Variants in PYCR1 observed in about 807,000 individuals in gnomAD.
PYCR1 encodes pyrroline-5-carboxylate reductase 1.
In PYCR1, 19 loss-of-function variants were observed where a neutral mutation model predicts 22.9. The ratio of observed to expected loss-of-function variants is 0.83; its 90% CI spans 0.58 to 1.22. PYCR1 has a LOEUF of 1.22. PYCR1 is among the 50% of genes most tolerant of loss of function. The pLI, the probability that PYCR1 is intolerant of heterozygous loss-of-function variation, is 0.00. For synonymous variants in PYCR1, 175 were observed against 180.5 expected (o/e 0.97, Z 0.24); for missense variants, 429 against 431.3 (o/e 0.99, Z 0.05).
Position 81,936,751 on chromosome 17 carries a change from C to G in PYCR1, c.64G>C (p.Ala22Pro). The G allele has an allele frequency of 6.2e-7, 1 of 1,607,916 alleles. No homozygotes were observed. Among genetic ancestry groups the G allele is most frequent in the Non-Finnish European group, 8.5e-7 (1 of 1,178,084 alleles). ...AFALAKGFTA[A>P]GVLAAHKIMA... ...CGTCCCCCACCTGGGGGCCTACCTG[C>G]TGCTGTGAAGCCCTTGGCCAGGGCA... Residue 22 changes from alanine to proline, a missense_variant, in exon 1 of 7, where the codon GCA becomes CCA. Ala to Pro is a conservative substitution (Grantham distance 27, BLOSUM62 -1). Coordinates refer to ENST00000329875, the MANE Select transcript of PYCR1 (RefSeq NM_006907.4).
intron 6 of PYCR1, 114 bp from the exon 7 acceptor site, chr17:81,933,490 T>A: frequency 1.6e-6 from 2 of 1,288,854 alleles, no homozygotes; most frequent in Non-Finnish European, 2.2e-6. Flanking sequence ...CACCCTCACC[T>A]CAGCACCTTT....
intron 2 of PYCR1, 105 bp downstream of exon 2, chr17:81,936,018 A>T (rs2041177859): frequency 7.6e-7 from 1 of 1,321,540 alleles, no homozygotes; most frequent in African/African-American, 1.5e-5. Flanking sequence ...ACCCCAGCCC[A>T]GGGCCCCTGC....
In PYCR1 at chr17:81,937,282, A is replaced by G. The variant is rs945324106; in HGVS notation, c.-468T>C. The G allele has an allele frequency of 1.7e-6, 2 of 1,162,446 alleles. No individual in the cohort carries two copies. Among genetic ancestry groups the G allele is most frequent in the East Asian group, 3.2e-5 (1 of 31,128 alleles). 72.0% of individuals were successfully genotyped at this position (1,162,446 alleles called of 1,614,324 possible). ...CCCACCCCTCAGCGCTGCGGCCGCCACGCGGCACCCGCACCCAGGCCCCGC... is the reference window on the plus strand; with the variant it reads ...CCCACCCCTCAGCGCTGCGGCCGCCGCGCGGCACCCGCACCCAGGCCCCGC... On this transcript the variant is annotated 5_prime_UTR_variant, in exon 1 of 7. Transcript: ENST00000329875.
intron 6 of PYCR1, 147 bp downstream of exon 6, chr17:81,934,179 G>A: frequency 8.2e-7 from 1 of 1,215,094 alleles, no homozygotes; most frequent in African/African-American, 1.5e-5. Flanking sequence ...GTAACCCAGG[G>A]AACCTCGGGG....
chr17:81,935,436 G>T lies in PYCR1; in HGVS notation c.219C>A (p.His73Gln), dbSNP rs150503777. 12 of 1,613,538 alleles carry T rather than the reference G, an allele frequency of 7.4e-6. No homozygotes were observed. Among genetic ancestry groups the T allele is most frequent in the Non-Finnish European group, 1.0e-5 (12 of 1,179,960 alleles). Reference protein sequence around the residue: ...SDVLFLAVKPHIIPFILDEIG... With the variant: ...SDVLFLAVKPQIIPFILDEIG... ...TTTCATCCAGGATGAAGGGGATGAT[G>T]TGTGGCTTCACAGCCAGGAAGAGCA... Residue 73 changes from histidine to glutamine, a missense_variant, in exon 3 of 7, where the codon CAC (histidine) becomes CAA (glutamine). By Grantham distance (24) the His-to-Gln change is conservative. Coordinates refer to ENST00000329875, the MANE Select transcript of PYCR1 (RefSeq NM_006907.4).
rs754496020 is a variant in PYCR1, at chr17:81,933,211, G to A, written c.*3C>T. 3.1e-5 allele frequency: 50 copies of A among 1,613,670 alleles called. No homozygotes were observed. The highest frequency in any genetic ancestry group is 1.1e-4 in the African/African-American group (8 of 74,932). Reference sequence around the variant, plus strand: ...TGGCAGGATGGTGGTCAGGCAGGACGTGTCAATCCTTGCCCGCTGGGGCCA... The same window carrying A: ...TGGCAGGATGGTGGTCAGGCAGGACATGTCAATCCTTGCCCGCTGGGGCCA... On this transcript the variant is annotated 3_prime_UTR_variant, in exon 7 of 7. Transcript: ENST00000329875.
intron 6 of PYCR1, 27 bp from the exon 7 acceptor site, chr17:81,933,403 T>C: frequency 6.2e-7 from 1 of 1,612,688 alleles, no homozygotes; most frequent in Non-Finnish European, 8.5e-7. Flanking sequence ...AGGTTGGCTT[T>C]GGAGCACAAG....
chr17:81,934,720 G>T lies in PYCR1; in HGVS notation c.566C>A (p.Ala189Asp). 1.3e-6 allele frequency: 2 copies of T among 1,566,306 alleles called. No homozygotes were observed. The highest frequency in any genetic ancestry group is 1.9e-5 in the Admixed American group (1 of 53,276). ...AYAFTALDAL[A>D]DGGVKMGLPR... ...AAGTCCCATCTTCACACCCCCATCA[G>T]CCAGGGCATCCAGGGCTGTGAATGC... Residue 189 changes from alanine (A) to aspartate (D), a missense_variant, in exon 5 of 7, where the codon GCT becomes GAT. By Grantham distance (126) the Ala-to-Asp change is moderately radical. Coordinates refer to ENST00000329875, the MANE Select transcript of PYCR1 (RefSeq NM_006907.4).
rs1440417123 is a variant in PYCR1 at position 81,936,705 on chromosome 17, GTC to G, written c.67+41_67+42del. Reference sequence around the variant, plus strand: ...GCCCTGCAGAAGTGGAAAGAGGCCAGTCTCTCCCACTGGGCCTCACCGTCCCC... The same window carrying G: ...GCCCTGCAGAAGTGGAAAGAGGCCAGTCTCCCACTGGGCCTCACCGTCCCC... On this transcript the variant is annotated intron_variant, in intron 1 of 6. Coordinates refer to ENST00000329875, the MANE Select transcript of PYCR1 (RefSeq NM_006907.4). The G allele has an allele frequency of 1.9e-6, 3 of 1,561,504 alleles. No homozygotes were observed. In the Admixed American group the frequency reaches 5.7e-5, roughly 30 times the overall value.
At chr17:81,936,260 G>A in intron 1 of PYCR1, 67 bp from the exon 2 acceptor site, 4 of 1,488,798 alleles carry the variant, frequency 2.7e-6, no homozygotes, top group Non-Finnish European at 3.7e-6. Context: ...GAGTCTCGCT[G>A]TGTTGCCCAG....
chr17:81,935,783 C>T (rs1032697312), intron 2 of PYCR1, among the ~76,000 whole-genome samples: 3 of 152,242 alleles, frequency 2.0e-5, no homozygotes, highest in African/African-American at 4.8e-5. Context: ...TGCCGTCCTC[C>T]AGACCGGGCT....
At position 81,937,094 on chromosome 17, in the gene PYCR1, G is replaced by A; in HGVS notation, c.-280C>T. ...GGAGGTTCCGCAGAAGAAATGACTG[G>A]GAAGGGGGAAAAGTACGGGGAGAGG... On this transcript the variant is annotated 5_prime_UTR_variant, in exon 1 of 7. Transcript: ENST00000329875. 3 of 1,430,596 alleles carry A rather than the reference G, an allele frequency of 2.1e-6. No homozygotes were observed. The highest frequency in any genetic ancestry group is 2.7e-6 in the Non-Finnish European group (3 of 1,095,722). 88.6% of individuals were successfully genotyped at this position (1,430,596 alleles called of 1,614,324 possible).
chr17:81,935,061 A>C lies in PYCR1; in HGVS notation c.405T>G (p.Tyr135Ter). ...CCACCTGGGCGTGCGTGCCTGTGGCATACACGGTGGCCCCCTCCCGCACCA... is the reference window on the plus strand; with the variant it reads ...CCACCTGGGCGTGCGTGCCTGTGGCCTACACGGTGGCCCCCTCCCGCACCA... ...PVVVREGATV[Y>*]ATGTHAQVED... Residue 135 changes from tyrosine (Y) to a stop codon, truncating the protein, a stop_gained, in exon 4 of 7, where the codon TAT becomes TAG. Coordinates refer to ENST00000329875, the MANE Select transcript of PYCR1 (RefSeq NM_006907.4). LOFTEE classifies it high-confidence loss of function. The C allele has an allele frequency of 6.2e-7, 1 of 1,610,700 alleles. No individual in the cohort carries two copies.
chr17:81,937,250 G>C lies in PYCR1; in HGVS notation c.-436C>G, dbSNP rs1311263778. ...GACCCCAACCCAGCTACCGTGCGCG[G>C]GTCGTACCCACCCCTCAGCGCTGCG... On this transcript the variant is annotated 5_prime_UTR_variant, in exon 1 of 7. Transcript: ENST00000329875. 1 of 1,374,108 alleles carries C rather than the reference G, an allele frequency of 7.3e-7. No homozygotes were observed. 85.1% of individuals were successfully genotyped at this position (1,374,108 alleles called of 1,614,324 possible).
At position 81,933,271 on chromosome 17, in the gene PYCR1, T is replaced by C. The variant is rs61747618; in HGVS notation, c.903A>G (p.Ser301=). ...GGAGCAGCTTGGTGTGGCCAGAAGG[T>C]GACAGAGCGGTCCCTGCAGGGGAGT... is the stretch of plus-strand genomic sequence containing the variant. The part of the protein sequence containing the change: ...KLDSPAGTAL[S]PSGHTKLLPR... Residue 301 remains serine (S), a synonymous_variant, in exon 7 of 7, where the codon TCA becomes TCG. Coordinates refer to ENST00000329875, the MANE Select transcript of PYCR1 (RefSeq NM_006907.4). 1,609,729 of 1,614,086 alleles carry C rather than the reference T, an allele frequency of 1. 802,806 individuals are homozygous for C. Among genetic ancestry groups the C allele is most frequent in the East Asian group, 1 (44,874 of 44,874 alleles).
At position 81,935,215 on chromosome 17, in the gene PYCR1, C is replaced by T; in HGVS notation, c.319-68G>A. Reference sequence around the variant, plus strand: ...GCCTAGATGCACTCACCCCACCAAGCAGTGCCCGAGCTCTCCCAGTGGGCC... The same window carrying T: ...GCCTAGATGCACTCACCCCACCAAGTAGTGCCCGAGCTCTCCCAGTGGGCC... On this transcript the variant is annotated intron_variant, in intron 3 of 6. Coordinates refer to ENST00000329875, the MANE Select transcript of PYCR1 (RefSeq NM_006907.4). The T allele has an allele frequency of 1.9e-6, 3 of 1,564,376 alleles. No homozygotes were observed. In the East Asian group the frequency reaches 6.8e-5, roughly 36 times the overall value.
chr17:81,935,110 C>T lies in PYCR1; in HGVS notation c.356G>A (p.Arg119His), dbSNP rs121918377. 22 of 1,609,820 alleles carry T rather than the reference C, an allele frequency of 1.4e-5. No homozygotes were observed. Among genetic ancestry groups the T allele is most frequent in the African/African-American group, 1.1e-4 (8 of 75,024 alleles). ...SAFRPAPRVI[R>H]CMTNTPVVVR... ...CACGACTGGAGTGTTGGTCATGCAG[C>T]GGATGACCCTGGGGGCTGGCCGAAA... The change falls in exon 4 of 7, where the codon CGC (arginine) becomes CAC (histidine). Residue 119 changes from arginine to histidine, a missense_variant. Transcript: ENST00000329875.
chr17:81,934,593 AG>A, intron 5 of PYCR1, 59 bp downstream of exon 5: 3 of 1,549,112 alleles, frequency 1.9e-6, no homozygotes, highest in Non-Finnish European at 2.6e-6. Flanking sequence ...GGCTCCTCCC[AG>A]TGAAGCCCCA....
intron 6 of PYCR1, among the ~76,000 whole-genome samples, chr17:81,933,877 T>C (rs1202603440): frequency 6.6e-6 from 1 of 152,240 alleles, no homozygotes; most frequent in Non-Finnish European, 1.5e-5. Flanking sequence ...TTTCTCTTGC[T>C]CTTTGCTTCT....
Sources: allele counts gnomAD v4.1 joint callset (sites outside exome capture counted in the v4.1 genomes callset), GRCh38; gene constraint gnomAD v4.1.1; transcripts MANE v1.5; gene names NCBI Gene and HGNC (gene_info 2026-07-23, HGNC 2026-07-21).